The following CCDC60 variants were observed in gnomAD, a reference collection of about 807,000 sequenced individuals.
CCDC60 encodes the protein coiled-coil domain containing 60, also known as coiled-coil domain-containing protein 60.
Under a neutral mutation model 63.5 loss-of-function variants are expected in CCDC60, and 54 were observed. The observed-to-expected ratio is 0.85, with a 90% CI of 0.68 to 1.07. The LOEUF is 1.07. Ranked by LOEUF, CCDC60 falls within the 50% of genes least tolerant of loss-of-function variation. The pLI is 0.00. For synonymous variants in CCDC60, 206 were observed against 238.8 expected (o/e 0.86, Z 1.27); for missense variants, 651 against 684.3 (o/e 0.95, Z 0.54).
chr12:119,529,337 G>A (rs1952774857), intron 12 of CCDC60, among the ~76,000 whole-genome samples: 1 of 151,880 alleles, frequency 6.6e-6, no homozygotes, highest in African/African-American at 2.4e-5. Context: ...TCACAAACAA[G>A]GAAACAGAGA....
chr12:119,368,745 G>A (rs1955868487), intron 1 of CCDC60, among the ~76,000 whole-genome samples: 1 of 152,088 alleles, frequency 6.6e-6, no homozygotes, highest in South Asian at 2.1e-4. Context: ...GCCCACCTTG[G>A]GTTTCCATGA....
At chr12:119,342,731 G>A (rs1195095402) in intron 1 of CCDC60, among the ~76,000 whole-genome samples, 3 of 152,198 alleles carry the variant, frequency 2.0e-5, no homozygotes, top group South Asian at 2.1e-4. Context: ...TATAGGTGGT[G>A]GGGACACAGA....
At chr12:119,407,326 G>A (rs1956511295) in intron 1 of CCDC60, among the ~76,000 whole-genome samples, 1 of 151,866 alleles carries the variant, frequency 6.6e-6, no homozygotes, top group Non-Finnish European at 1.5e-5. Flanking sequence ...CGGCAACATA[G>A]TGACAACTCA....
intron 1 of CCDC60, among the ~76,000 whole-genome samples, chr12:119,399,347 C>T (rs1956345477): frequency 6.6e-6 from 1 of 152,220 alleles, no homozygotes; most frequent in Non-Finnish European, 1.5e-5. Context: ...AATTAATCAT[C>T]TTCTCACTGC....
chr12:119,518,787 T>A (rs1952419874), intron 8 of CCDC60, among the ~76,000 whole-genome samples: 1 of 152,190 alleles, frequency 6.6e-6, no homozygotes, highest in South Asian at 2.1e-4. Flanking sequence ...CTTCTCCTGC[T>A]GAGACAGGTA....
intron 1 of CCDC60, among the ~76,000 whole-genome samples, chr12:119,412,987 A>G (rs941970592): frequency 3.9e-5 from 6 of 151,966 alleles, no homozygotes; most frequent in Admixed American, 3.3e-4. Flanking sequence ...CAGACACGCC[A>G]TTTGCAAGGT....
chr12:119,532,462 G>T (rs1194750859), intron 13 of CCDC60, among the ~76,000 whole-genome samples: 1 of 148,084 alleles, frequency 6.8e-6, no homozygotes, highest in African/African-American at 2.5e-5. Context: ...GGATACATGT[G>T]CGTAACGTGA....
At chr12:119,494,690 A>G (rs1052103112) in intron 5 of CCDC60, among the ~76,000 whole-genome samples, 3 of 149,988 alleles carry the variant, frequency 2.0e-5, no homozygotes, top group African/African-American at 7.3e-5. Flanking sequence ...CAAATATGAC[A>G]CAAACATCAG....
intron 9 of CCDC60, among the ~76,000 whole-genome samples, chr12:119,521,117 T>C (rs909754530): frequency 2.0e-5 from 3 of 152,234 alleles, no homozygotes; most frequent in African/African-American, 7.2e-5. Context: ...AAATTTGGAA[T>C]ATGGTAATCT....
At chr12:119,431,901 G>C (rs1443522496) in intron 2 of CCDC60, among the ~76,000 whole-genome samples, 2 of 152,074 alleles carry the variant, frequency 1.3e-5, no homozygotes, top group Non-Finnish European at 2.9e-5. Flanking sequence ...GGATGATCTC[G>C]ATCTCCTGAC....
intron 2 of CCDC60, among the ~76,000 whole-genome samples, chr12:119,430,772 TG>T (rs1422121978): frequency 6.6e-6 from 1 of 152,066 alleles, no homozygotes; most frequent in East Asian, 1.9e-4. Context: ...TGCTGGCACC[TG>T]CACCTTCAGC....
At chr12:119,480,785 TCATCATCACCAC>T (rs1951292369) in intron 4 of CCDC60, among the ~76,000 whole-genome samples, 1 of 136,182 alleles carries the variant, frequency 7.3e-6, no homozygotes, top group Non-Finnish European at 1.6e-5. Context: ...ATCATCACCA[TCATCATCACCAC>T]CATCGTCACC....
intron 6 of CCDC60, among the ~76,000 whole-genome samples, chr12:119,502,166 G>A (rs1304597487): frequency 6.6e-6 from 1 of 152,204 alleles, no homozygotes; most frequent in Non-Finnish European, 1.5e-5. Flanking sequence ...CTCCTGCACA[G>A]CTAAAGGGAA....
intron 4 of CCDC60, among the ~76,000 whole-genome samples, chr12:119,481,988 A>ATATATATAG: frequency 8.2e-6 from 1 of 121,958 alleles, no homozygotes; most frequent in South Asian, 2.7e-4. Context: ...ATATATATGT[A>ATATATATAG]TATATATATG....
chr12:119,398,434 C>A (rs549389816), intron 1 of CCDC60, among the ~76,000 whole-genome samples: 2 of 152,142 alleles, frequency 1.3e-5, no homozygotes, highest in Non-Finnish European at 2.9e-5. Context: ...CACGCCTCCC[C>A]GCAAGCAGAG....
intron 3 of CCDC60, among the ~76,000 whole-genome samples, chr12:119,472,795 C>G (rs1163181883): frequency 1.3e-5 from 2 of 151,884 alleles, no homozygotes; most frequent in African/African-American, 2.4e-5. Context: ...GTTGGCCAGG[C>G]TGGTCTCGAA....
chr12:119,528,702 C>T lies in CCDC60; in HGVS notation c.1317C>T (p.His439=). 1 of 1,614,022 alleles carries T rather than the reference C, an allele frequency of 6.2e-7. No individual in the cohort carries two copies. Among genetic ancestry groups the T allele is most frequent in the Non-Finnish European group, 8.5e-7 (1 of 1,179,916 alleles). The change falls in exon 12 of 14, where the codon CAC becomes CAT. Residue 439 remains histidine, a synonymous_variant. Transcript: ENST00000327554. The part of the protein sequence containing the change: ...FQKDIAKMRH[H]ISVVKGDAEE... ...AGGACATAGCAAAAATGAGACATCA[C>T]ATATCTGTAGTAAAAGGAGATGCAG...
chr12:119,515,687 G>T (rs1043405240), intron 7 of CCDC60, among the ~76,000 whole-genome samples: 9 of 152,258 alleles, frequency 5.9e-5, no homozygotes, highest in Admixed American at 1.3e-4. Flanking sequence ...GGTGGTGGGA[G>T]CTGTGGGGAG....
At chr12:119,387,299 A>AAAC (rs1338752393) in intron 1 of CCDC60, among the ~76,000 whole-genome samples, 3 of 152,158 alleles carry the variant, frequency 2.0e-5, no homozygotes, top group Admixed American at 6.5e-5. Context: ...GTGTTTTTCT[A>AAAC]AACAACAACA....
Sources: gnomAD v4.1 joint callset for allele counts (sites outside exome capture counted in the v4.1 genomes callset) on GRCh38, gnomAD v4.1.1 for gene constraint, MANE v1.5 for transcripts, NCBI Gene and HGNC (gene_info 2026-07-23, HGNC 2026-07-21) for gene names.